Variants in MAST3 observed in about 807,000 individuals in gnomAD.
MAST3 encodes the protein microtubule associated serine/threonine kinase 3.
Under a neutral mutation model 127.0 loss-of-function variants are expected in MAST3, and 43 were observed. The observed-to-expected ratio is 0.34, with a 90% confidence interval of 0.27 to 0.44. The LOEUF is 0.44. MAST3 is among the 20% of genes least tolerant of loss of function. The pLI is 1.00. For synonymous variants in MAST3, 785 were observed against 809.2 expected, an observed-to-expected ratio of 0.97 and a Z score of 0.51; for missense variants, 1,390 against 1,919.1, an observed-to-expected ratio of 0.72 and a Z score of 5.15.
rs369882566 is a variant in MAST3 at position 18,143,749 on chromosome 19, C to T, written c.2340-14C>T. ...GTGCCTGGCAGGGGTGATGCAGGCT[C>T]TTCCTCCCTGCAGGCTGAGGTCCTG... is the stretch of plus-strand genomic sequence containing the variant. On this transcript the variant is annotated splice_polypyrimidine_tract_variant and intron_variant, in intron 21 of 27. Coordinates refer to ENST00000687212, the MANE Select transcript of MAST3 (RefSeq NM_001393504.1). 1.9e-6 allele frequency: 3 copies of T among 1,613,032 alleles called. No homozygotes were observed.
intron 3 of MAST3, among the ~76,000 whole-genome samples, chr19:18,111,530 C>CTTTTTTTTTTTTTTT (rs576984210): frequency 2.9e-5 from 3 of 103,254 alleles, no homozygotes; most frequent in African/African-American, 1.4e-4. Context: ...TTTCCACAGA[C>CTTTTTTTTTTTTTTT]TTTTTTTTTT....
chr19:18,102,645 C>A (rs1334752310), intron 1 of MAST3, among the ~76,000 whole-genome samples: 1 of 151,988 alleles, frequency 6.6e-6, no homozygotes, highest in East Asian at 1.9e-4. Flanking sequence ...CCACATCCAG[C>A]TAATTTTTGT....
chr19:18,150,290 T>A lies in MAST3; in HGVS notation c.*564T>A, dbSNP rs1437429228. The A allele has an allele frequency of 2.0e-5, 3 of 153,110 alleles. No homozygotes were observed. The highest frequency in any genetic ancestry group is 7.2e-5 in the African/African-American group (3 of 41,388). 9.5% of individuals were successfully genotyped at this position (153,110 alleles called of 1,614,324 possible). ...CGTGAGCCACTGGGCCCAGCCTAAT[T>A]TATTACTTTTTATAAGCGATAGCCG... On this transcript the variant is annotated 3_prime_UTR_variant, in exon 28 of 28. Coordinates refer to ENST00000687212, the MANE Select transcript of MAST3 (RefSeq NM_001393504.1).
intron 3 of MAST3, among the ~76,000 whole-genome samples, chr19:18,115,005 T>G (rs2039067862): frequency 6.6e-6 from 1 of 152,130 alleles, no homozygotes; most frequent in Non-Finnish European, 1.5e-5. Context: ...TCACAGCACA[T>G]GCAGGGAGAG....
intron 3 of MAST3, among the ~76,000 whole-genome samples, chr19:18,117,644 A>G (rs1244700585): frequency 2.0e-5 from 3 of 152,112 alleles, no homozygotes; most frequent in Non-Finnish European, 4.4e-5. Context: ...GCCGGCCAGG[A>G]CGCTGGGGTG....
chr19:18,117,990 T>A (rs1354480913), intron 3 of MAST3: 7 of 435,670 alleles, frequency 1.6e-5, no homozygotes, highest in Non-Finnish European at 2.1e-5. Flanking sequence ...CGCACTCGCC[T>A]GGGCGGAGTT....
chr19:18,127,873 A>T (rs1410312343), intron 11 of MAST3, among the ~76,000 whole-genome samples: 1 of 152,154 alleles, frequency 6.6e-6, no homozygotes. Context: ...AAATAAATTA[A>T]ATAATCATAC....
intron 2 of MAST3, among the ~76,000 whole-genome samples, chr19:18,108,322 G>A (rs953976552): frequency 5.3e-5 from 8 of 151,122 alleles, no homozygotes; most frequent in Non-Finnish European, 8.9e-5. Flanking sequence ...CATCTCTCTC[G>A]GGATCACATC....
At position 18,144,932 on chromosome 19, in the gene MAST3, G is replaced by C; in HGVS notation, c.2813-71G>C. 1 of 931,596 alleles carries C rather than the reference G, an allele frequency of 1.1e-6. No individual in the cohort carries two copies. The highest frequency in any genetic ancestry group is 1.4e-5 in the South Asian group (1 of 73,572). The allele number at this position is 931,596 out of a possible 1,614,324, so 57.7% of individuals were successfully genotyped here. On this transcript the variant is annotated intron_variant, in intron 23 of 27. Coordinates refer to ENST00000687212, the MANE Select transcript of MAST3 (RefSeq NM_001393504.1). The surrounding 1 kb of genome is among the most constrained non-coding windows in gnomAD (Gnocchi z 4.0). ...CAGCAAAGTGGCCAGGGTGGTCGTT[G>C]TGGTGGGAAAGAGGGGGCCCCAGGG...
At chr19:18,102,063 G>A (rs1332632465) in intron 1 of MAST3, among the ~76,000 whole-genome samples, 1 of 150,972 alleles carries the variant, frequency 6.6e-6, no homozygotes, top group Non-Finnish European at 1.5e-5. Flanking sequence ...TGTATTTTTA[G>A]CAGAGACGGG....
chr19:18,137,383 G>A (rs759843956), intron 19 of MAST3, 22 bp downstream of exon 19: 12 of 1,604,032 alleles, frequency 7.5e-6, no homozygotes, highest in Middle Eastern at 1.7e-4. Context: ...TCCCCCTGGA[G>A]GGGGGGCGGG....
Position 18,127,215 on chromosome 19 carries a change from A to C in MAST3, c.1079-1185A>C, listed in dbSNP as rs537483285. Among the ~76,000 whole-genome samples the C allele has an allele frequency of 3.4e-3, 522 of 151,732 alleles. 1 individual carries two copies. Among genetic ancestry groups the C allele is most frequent in the Non-Finnish European group, 5.1e-3 (347 of 67,952 alleles). On this transcript the variant is annotated intron_variant, in intron 11 of 27. Transcript: ENST00000687212. The stretch of plus-strand genomic sequence containing the variant: ...CAGTGAGCCATGATGGCACCACTGC[A>C]CTCCAGCCTGGGTGACAGAGCAAGA...
Position 18,145,196 on chromosome 19 carries a change from T to C in MAST3, c.3006T>C (p.Asp1002=). 1.2e-6 allele frequency: 2 copies of C among 1,613,700 alleles called. No homozygotes were observed. Among genetic ancestry groups the C allele is most frequent in the Admixed American group, 3.3e-5 (2 of 59,978 alleles). The stretch of plus-strand genomic sequence containing the variant: ...GGGCGATCCGCGTCTACATGGGTGA[T>C]AGCGACGTCTACACTGTGCACCACG... ...SLRAIRVYMG[D]SDVYTVHHVV... is the part of the protein sequence containing the mutation. Residue 1002 remains aspartate (D), a synonymous_variant, in exon 24 of 28, where the codon GAT becomes GAC. Coordinates refer to ENST00000687212, the MANE Select transcript of MAST3 (RefSeq NM_001393504.1). This position sits in a 1 kb window ranked among gnomAD's most constrained non-coding sequence, Gnocchi z 5.9.
intron 19 of MAST3, among the ~76,000 whole-genome samples, chr19:18,138,128 T>C (rs992731371): frequency 6.6e-6 from 1 of 151,450 alleles, no homozygotes; most frequent in Non-Finnish European, 1.5e-5. Context: ...GAGAATTGCT[T>C]GAACCCAGGA....
At chr19:18,140,632 T>C (rs1258068265) in intron 20 of MAST3, among the ~76,000 whole-genome samples, 5 of 152,294 alleles carry the variant, frequency 3.3e-5, no homozygotes, top group African/African-American at 4.8e-5. Context: ...CATCACGTAC[T>C]CAAGGCTCAT....
Position 18,149,199 on chromosome 19 carries a change from G to A in MAST3, c.3517G>A (p.Ala1173Thr). The A allele has an allele frequency of 6.6e-7, 1 of 1,523,836 alleles. No individual in the cohort carries two copies. Among genetic ancestry groups the A allele is most frequent in the Non-Finnish European group, 8.8e-7 (1 of 1,138,144 alleles). 94.4% of individuals were successfully genotyped at this position (1,523,836 alleles called of 1,614,324 possible). A position where few individuals can be genotyped will look rare whatever the true frequency, so the allele number is the denominator to read the frequency against. Residue 1173 changes from alanine (A) to threonine (T), a missense_variant, in exon 28 of 28, where the codon GCA (alanine) becomes ACA (threonine). Around this residue, in one of 5 missense-constraint regions of MAST3, gnomAD observed 816 missense variants for 934.1 expected, o/e 0.87. Transcript: ENST00000687212. The surrounding 1 kb of genome is among the most constrained non-coding windows in gnomAD (Gnocchi z 5.9). ...ACGCTTATCACCCACAGATACCACT[G>A]CATCCCCACCCAGCGCATCCCCGAG... ...PAPDVPADTT[A>T]SPPSASPSSS... is the part of the protein sequence containing the mutation.
intron 15 of MAST3, among the ~76,000 whole-genome samples, chr19:18,133,321 G>A (rs561706000): frequency 6.6e-6 from 1 of 152,206 alleles, no homozygotes; most frequent in East Asian, 1.9e-4. Flanking sequence ...ATACAAAATA[G>A]GCAGAAGAAC....
intron 11 of MAST3, among the ~76,000 whole-genome samples, 160 bp downstream of exon 11, chr19:18,124,934 C>CCCG (rs1024945701): frequency 1.5e-5 from 2 of 137,692 alleles, no homozygotes; most frequent in Non-Finnish European, 3.2e-5. Context: ...GGTGGAAACC[C>CCCG]CCCCCCTACT....
At position 18,136,833 on chromosome 19, in the gene MAST3, T is replaced by TTG. The variant is rs1568594820; in HGVS notation, c.1973-405_1973-404insGT. On this transcript the variant is annotated intron_variant, in intron 18 of 27. Coordinates refer to ENST00000687212, the MANE Select transcript of MAST3 (RefSeq NM_001393504.1). ...CTTTGTTGTTGTTGTTGTTGTTGTT[T>TTG]TTTGAGACAGAGTCTTGCTTTGTTG... is the stretch of plus-strand genomic sequence containing the variant. Among the ~76,000 whole-genome samples, 389 of 151,276 alleles carry TTG rather than the reference T, an allele frequency of 2.6e-3. 1 individual carries two copies. The highest frequency in any genetic ancestry group is 8.1e-3 in the African/African-American group (335 of 41,106).
Sources: allele counts gnomAD v4.1 joint callset (sites outside exome capture counted in the v4.1 genomes callset), GRCh38; gene constraint gnomAD v4.1.1; regional missense constraint gnomAD v4.1.1; non-coding constraint Gnocchi (gnomAD v3.1); transcripts MANE v1.5; gene names NCBI Gene and HGNC (gene_info 2026-07-23, HGNC 2026-07-21).